The following PDGFB variants were observed in gnomAD, a reference collection of about 807,000 sequenced individuals.
PDGFB encodes the protein platelet-derived growth factor subunit B.
In PDGFB, 6 loss-of-function variants were observed where a neutral mutation model predicts 29.0. The observed-to-expected ratio is 0.21, with a 90% CI of 0.11 to 0.41. The LOEUF is 0.41. Among genes scored for constraint, PDGFB ranks in the 10% least tolerant of loss-of-function variants. The pLI is 1.00. For missense variants in PDGFB, 299 were observed against 341.8 expected (o/e 0.87, Z 0.99); for synonymous variants, 144 against 140.8 (o/e 1.02, Z -0.16).
chr22:39,230,618 G>A (rs1168343172), intron 4 of PDGFB, among the ~76,000 whole-genome samples: 2 of 152,226 alleles, frequency 1.3e-5, no homozygotes, highest in Non-Finnish European at 2.9e-5. Flanking sequence ...TAGGAGGGAG[G>A]TGGGAACGGG....
At chr22:39,234,430 G>A (rs1569137367) in intron 2 of PDGFB, among the ~76,000 whole-genome samples, 1 of 152,170 alleles carries the variant, frequency 6.6e-6, no homozygotes, top group Non-Finnish European at 1.5e-5. Flanking sequence ...CATGGGTGAG[G>A]AGCCACAAAT....
chr22:39,233,347 G>A (rs1601598714), intron 3 of PDGFB, 88 bp downstream of exon 3: 1 of 921,070 alleles, frequency 1.1e-6, no homozygotes, highest in African/African-American at 1.7e-5. Flanking sequence ...AGGACCCTCG[G>A]GGCCCTCCGA....
At chr22:39,229,990 C>T in intron 5 of PDGFB, 94 bp downstream of exon 5, 10 of 1,385,398 alleles carry the variant, frequency 7.2e-6, no homozygotes, top group Admixed American at 2.1e-5. Flanking sequence ...TAACCGGGGG[C>T]GGGCCTGATC....
At chr22:39,239,439 A>G (rs1932517823) in intron 1 of PDGFB, among the ~76,000 whole-genome samples, 1 of 152,200 alleles carries the variant, frequency 6.6e-6, no homozygotes, top group Admixed American at 6.6e-5. Context: ...GCACGTGCTC[A>G]GCTCCAGGAT....
chr22:39,235,664 A>C, intron 2 of PDGFB, 114 bp downstream of exon 2: 2 of 744,932 alleles, frequency 2.7e-6, no homozygotes, highest in Non-Finnish European at 4.5e-6. Context: ...CTGGGCTGCC[A>C]TGGGCCTCTA....
At position 39,243,080 on chromosome 22, in the gene PDGFB, G is replaced by A. The variant is rs1024677449; in HGVS notation, c.63+821C>T. On this transcript the variant is annotated intron_variant, in intron 1 of 6. Transcript: ENST00000331163. The surrounding 1 kb of genome is among the most constrained non-coding windows in gnomAD (Gnocchi z 6.4). The stretch of plus-strand genomic sequence containing the variant: ...CGCGCTCCGCACCCTGCATGCGGGG[G>A]AGAGAGGTGCTTCCTCCTGCAGGGC... 1 of 233,088 alleles carries A rather than the reference G, an allele frequency of 4.3e-6. No individual in the cohort carries two copies. The highest frequency in any genetic ancestry group is 2.2e-5 in the African/African-American group (1 of 45,344). The allele number at this position is 233,088 out of a possible 1,614,324, so 14.4% of individuals were successfully genotyped here.
rs1378625016 is a variant in PDGFB, at chr22:39,223,909, C to G, written c.*1433G>C. 6.6e-6 allele frequency: 1 copy of G among 152,220 alleles called. No homozygotes were observed. Among genetic ancestry groups the G allele is most frequent in the Non-Finnish European group, 1.5e-5 (1 of 68,026 alleles). 9.4% of individuals were successfully genotyped at this position (152,220 alleles called of 1,614,324 possible). A position where few individuals can be genotyped will look rare whatever the true frequency, so the allele number is the denominator to read the frequency against. On this transcript the variant is annotated 3_prime_UTR_variant, in exon 7 of 7. Transcript: ENST00000331163. The stretch of plus-strand genomic sequence containing the variant: ...GGGTCTTGGGGATCTTTTCCCTTCT[C>G]TCCCCCATTCCCAGCCCACGAGCTG...
intron 1 of PDGFB, 70 bp from the exon 2 acceptor site, chr22:39,235,944 C>T: frequency 4.9e-6 from 5 of 1,030,246 alleles, no homozygotes; most frequent in Non-Finnish European, 7.5e-6. Context: ...GTCTCCCCCA[C>T]CACACGCTTT....
rs573413705 is a variant in PDGFB, at chr22:39,231,345, T to C, written c.456+277A>G. On this transcript the variant is annotated intron_variant, in intron 4 of 6. Transcript: ENST00000331163. The surrounding 1 kb of genome is among the most constrained non-coding windows in gnomAD (Gnocchi z 4.3). ...AAGGAGGTGACATCCCTACTTCACG[T>C]TGGCTCCACACCTCGCCCAGCCCGG... Among the ~76,000 whole-genome samples the C allele has an allele frequency of 1.6e-4, 24 of 152,340 alleles. No individual in the cohort carries two copies. Among genetic ancestry groups the C allele is most frequent in the South Asian group, 1.2e-3 (6 of 4,830 alleles).
intron 5 of PDGFB, among the ~76,000 whole-genome samples, chr22:39,226,340 A>G (rs1029677091): frequency 6.6e-6 from 1 of 152,146 alleles, no homozygotes; most frequent in Non-Finnish European, 1.5e-5. Context: ...TCTCACCTTC[A>G]TGCTTTGGGG....
rs1030616809 is a variant in PDGFB, at chr22:39,244,856, ATCTC to A, written c.-897_-894del. 1.1e-5 allele frequency: 2 copies of A among 186,000 alleles called. No homozygotes were observed. Among genetic ancestry groups the A allele is most frequent in the Admixed American group, 6.4e-5 (1 of 15,678 alleles). 11.5% of individuals were successfully genotyped at this position (186,000 alleles called of 1,614,324 possible). On this transcript the variant is annotated 5_prime_UTR_variant, in exon 1 of 7. Coordinates refer to ENST00000331163, the MANE Select transcript of PDGFB (RefSeq NM_002608.4). The surrounding 1 kb of genome is among the most constrained non-coding windows in gnomAD (Gnocchi z 4.5). ...GTATGTATGTGTGTGCGCGCAAAGT[ATCTC>A]TATCTAGGGAATGAAAAATGGGCGC... is the stretch of plus-strand genomic sequence containing the variant.
chr22:39,234,013 G>A (rs1282490370), intron 2 of PDGFB, among the ~76,000 whole-genome samples: 1 of 22,176 alleles, frequency 4.5e-5, no homozygotes, highest in African/African-American at 9.0e-5. Context: ...CGGGAGCCAC[G>A]GAGGGAGGGA....
Position 39,242,484 on chromosome 22 carries a change from G to A in PDGFB, c.63+1417C>T, listed in dbSNP as rs953123467. 6.7e-6 allele frequency among the ~76,000 whole-genome samples: 1 copy of A among 150,128 alleles called. No homozygotes were observed. Among genetic ancestry groups the A allele is most frequent in the African/African-American group, 2.4e-5 (1 of 41,130 alleles). On this transcript the variant is annotated intron_variant, in intron 1 of 6. Transcript: ENST00000331163. This position sits in a 1 kb window ranked among gnomAD's most constrained non-coding sequence, Gnocchi z 5.7. ...CGCGGCCCGGGGGGCTGCGGGAGAG[G>A]CGGAGAGGGGGCGTCGGGAGGGGCC...
At chr22:39,236,323 G>A (rs1465328318) in intron 1 of PDGFB, among the ~76,000 whole-genome samples, 2 of 152,234 alleles carry the variant, frequency 1.3e-5, no homozygotes, top group Non-Finnish European at 2.9e-5. Context: ...GGCAAAAGCT[G>A]CATTCAAACC....
intron 5 of PDGFB, among the ~76,000 whole-genome samples, chr22:39,229,086 A>G (rs1445982892): frequency 2.0e-5 from 3 of 152,154 alleles, no homozygotes; most frequent in Non-Finnish European, 4.4e-5. Flanking sequence ...GGTCTTGTTA[A>G]TAAGAAATGA....
chr22:39,231,926 C>T lies in PDGFB; in HGVS notation c.251-99G>A, dbSNP rs146534434. The T allele has an allele frequency of 7.1e-4, 689 of 974,176 alleles. 6 individuals carry two copies. The African/African-American group carries it at 1.0e-2, about 14-fold the overall frequency. 60.3% of individuals were successfully genotyped at this position (974,176 alleles called of 1,614,324 possible). A position where few individuals can be genotyped will look rare whatever the true frequency, so the allele number is the denominator to read the frequency against. On this transcript the variant is annotated intron_variant, in intron 3 of 6. Transcript: ENST00000331163. This position sits in a 1 kb window ranked among gnomAD's most constrained non-coding sequence, Gnocchi z 4.3. ...GGGTGCCTCCGGGACTGCTCTTTCTCACGCCCTTCAACCCCAGGGTTCAGG... is the reference window on the plus strand; with the variant it reads ...GGGTGCCTCCGGGACTGCTCTTTCTTACGCCCTTCAACCCCAGGGTTCAGG...
chr22:39,237,536 C>A (rs1181899832), intron 1 of PDGFB, among the ~76,000 whole-genome samples: 1 of 152,198 alleles, frequency 6.6e-6, no homozygotes, highest in Non-Finnish European at 1.5e-5. Context: ...CCCTCACTTT[C>A]GGCCCCATCT....
intron 2 of PDGFB, among the ~76,000 whole-genome samples, chr22:39,234,306 G>A (rs76130700): frequency 0.015 from 2,244 of 152,288 alleles, 54 homozygotes; most frequent in African/African-American, 0.05. Context: ...AGCCCTCCTT[G>A]GAGACATCGG....
chr22:39,230,030 C>T (rs1932259033), intron 5 of PDGFB, 54 bp downstream of exon 5: 1 of 1,591,260 alleles, frequency 6.3e-7, no homozygotes, highest in Non-Finnish European at 8.6e-7. Context: ...CGGCCCCTGC[C>T]CCCAGCTGCT....
Sources: allele counts gnomAD v4.1 joint callset (sites outside exome capture counted in the v4.1 genomes callset), GRCh38; gene constraint gnomAD v4.1.1; non-coding constraint Gnocchi (gnomAD v3.1); transcripts MANE v1.5; gene names NCBI Gene and HGNC (gene_info 2026-07-23, HGNC 2026-07-21).